The following LIN28B variants were observed in gnomAD, a reference collection of about 807,000 sequenced individuals.
LIN28B encodes the protein lin-28 RNA binding posttranscriptional regulator B.
In LIN28B, 5 loss-of-function variants were observed where a neutral mutation model predicts 21.9. That is an observed-to-expected ratio of 0.23 (90% CI 0.12 to 0.48). The LOEUF (loss-of-function observed/expected upper bound fraction) is 0.48, where lower values mean the gene tolerates loss of function less well. Among genes scored for constraint, LIN28B ranks in the 20% least tolerant of loss-of-function variants. LIN28B has a pLI of 0.98. For synonymous variants in LIN28B, 109 were observed against 111.3 expected (o/e 0.98, Z 0.13); for missense variants, 245 against 310.5 (o/e 0.79, Z 1.58).
Position 105,079,007 on chromosome 6 carries a change from T to G in LIN28B, c.*224T>G, listed in dbSNP as rs1341920472. ...ATAAGATACTATGTCTGTCAATATGTGCATGTGTGAGAGGGAGAGAGCCTG... is the reference window on the plus strand; with the variant it reads ...ATAAGATACTATGTCTGTCAATATGGGCATGTGTGAGAGGGAGAGAGCCTG... On this transcript the variant is annotated 3_prime_UTR_variant, in exon 4 of 4. Transcript: ENST00000345080. The G allele has an allele frequency of 4.0e-6, 2 of 498,096 alleles. No homozygotes were observed. The highest frequency in any genetic ancestry group is 7.1e-6 in the Non-Finnish European group (2 of 281,684). 30.9% of individuals were successfully genotyped at this position (498,096 alleles called of 1,614,324 possible). A position where few individuals can be genotyped will look rare whatever the true frequency, so the allele number is the denominator to read the frequency against.
upstream of LIN28B, among the ~76,000 whole-genome samples, chr6:104,954,662 C>T (rs1778261780): frequency 6.6e-6 from 1 of 152,080 alleles, no homozygotes; most frequent in South Asian, 2.1e-4. Context: ...GGCTGATGTC[C>T]CTCTCAGGAA....
chr6:104,977,653 C>T (rs1246949938), intron 2 of LIN28B, among the ~76,000 whole-genome samples: 1 of 152,022 alleles, frequency 6.6e-6, no homozygotes, highest in African/African-American at 2.4e-5. Flanking sequence ...CTGCAACCTC[C>T]ACCTCCCAGG....
At chr6:104,972,596 T>C (rs983439499) in intron 2 of LIN28B, among the ~76,000 whole-genome samples, 1 of 152,158 alleles carries the variant, frequency 6.6e-6, no homozygotes, top group African/African-American at 2.4e-5. Flanking sequence ...TGTTGCTACT[T>C]GTTTTTGTGT....
chr6:104,962,538 T>A (rs376740606), intron 2 of LIN28B, among the ~76,000 whole-genome samples: 2 of 152,132 alleles, frequency 1.3e-5, no homozygotes, highest in African/African-American at 4.8e-5. Flanking sequence ...TTATTGTTAC[T>A]GAGTTAAAGC....
rs957249301 is a variant in LIN28B at position 104,997,097 on chromosome 6, C to T, written c.199-29201C>T. ...GAGATCGAGACCATCCTGGCTAACA[C>T]GGTGAAGCCCCATCTCTACTAAGAA... On this transcript the variant is annotated intron_variant, in intron 2 of 3. Transcript: ENST00000345080. 4.6e-5 allele frequency among the ~76,000 whole-genome samples: 7 copies of T among 151,996 alleles called. No individual in the cohort carries two copies. The South Asian group carries it at 1.0e-3, about 23-fold the overall frequency.
intron 3 of LIN28B, among the ~76,000 whole-genome samples, chr6:105,049,105 A>G (rs1341623856): frequency 3.3e-5 from 5 of 152,100 alleles, no homozygotes; most frequent in Non-Finnish European, 7.4e-5. Flanking sequence ...TTGTGATGTT[A>G]GAGTGTCAAT....
chr6:105,033,798 C>G (rs2114353946), intron 3 of LIN28B, among the ~76,000 whole-genome samples: 1 of 151,738 alleles, frequency 6.6e-6, no homozygotes, highest in Non-Finnish European at 1.5e-5. Context: ...ACATGATTTA[C>G]TATGAAGAAA....
chr6:104,941,309 ACTTC>A (rs1778087968), intron 2 of LIN28B: 1 of 152,056 alleles, frequency 6.6e-6, no homozygotes, highest in Non-Finnish European at 1.5e-5. Context: ...CAGTCGATGT[ACTTC>A]CGGGTTCACA....
chr6:105,021,351 T>C (rs768813893), intron 2 of LIN28B, among the ~76,000 whole-genome samples: 1 of 152,224 alleles, frequency 6.6e-6, no homozygotes, highest in African/African-American at 2.4e-5. Context: ...TTATCTTTGA[T>C]ATATTGATTT....
At chr6:104,966,106 C>T (rs775335378) in intron 2 of LIN28B, among the ~76,000 whole-genome samples, 2 of 152,010 alleles carry the variant, frequency 1.3e-5, no homozygotes, top group Non-Finnish European at 2.9e-5. Context: ...AAGCACCTAA[C>T]ACAAACTTGG....
At chr6:105,013,723 C>A (rs1343845547) in intron 2 of LIN28B, among the ~76,000 whole-genome samples, 7 of 137,532 alleles carry the variant, frequency 5.1e-5, no homozygotes, top group Non-Finnish European at 7.9e-5. Context: ...GACCCTGTCT[C>A]AAAAAAAAAA....
chr6:105,042,226 G>A (rs1247471434), intron 3 of LIN28B, among the ~76,000 whole-genome samples: 1 of 152,070 alleles, frequency 6.6e-6, no homozygotes, highest in Non-Finnish European at 1.5e-5. Context: ...TGGGGGAAGG[G>A]GGTAGGCAAA....
At chr6:105,010,232 G>A (rs1770894697) in intron 2 of LIN28B, among the ~76,000 whole-genome samples, 1 of 151,632 alleles carries the variant, frequency 6.6e-6, no homozygotes, top group African/African-American at 2.4e-5. Context: ...ACATGGTGGT[G>A]TGTACCTGTA....
At chr6:105,043,914 AAT>A (rs1220175107) in intron 3 of LIN28B, among the ~76,000 whole-genome samples, 11 of 151,994 alleles carry the variant, frequency 7.2e-5, no homozygotes, top group African/African-American at 2.4e-4. Flanking sequence ...GTTGATTTTT[AAT>A]AGTTTTTCAA....
chr6:104,954,592 C>T (rs1269079334), upstream of LIN28B, among the ~76,000 whole-genome samples: 4 of 152,020 alleles, frequency 2.6e-5, no homozygotes, highest in African/African-American at 7.2e-5. Context: ...TCTTCATGAA[C>T]GAATTTTAGA....
intron 2 of LIN28B, among the ~76,000 whole-genome samples, chr6:104,937,577 C>A (rs114376713): frequency 0.013 from 1,948 of 152,158 alleles, 45 homozygotes; most frequent in African/African-American, 0.045. Flanking sequence ...CTCTATTTTT[C>A]AAATTGTTTT....
intron 3 of LIN28B, among the ~76,000 whole-genome samples, chr6:105,074,251 G>A (rs554091397): frequency 6.6e-6 from 1 of 152,140 alleles, no homozygotes; most frequent in African/African-American, 2.4e-5. Flanking sequence ...AGGCTGGAGT[G>A]CAGTGGTGCA....
chr6:104,938,369 G>A (rs1181699272), intron 2 of LIN28B, among the ~76,000 whole-genome samples: 1 of 152,126 alleles, frequency 6.6e-6, no homozygotes, highest in East Asian at 1.9e-4. Flanking sequence ...GTCAGGCATG[G>A]TGGATCACGC....
chr6:104,945,411 A>G (rs1778145348), intron 2 of LIN28B, among the ~76,000 whole-genome samples: 1 of 152,078 alleles, frequency 6.6e-6, no homozygotes, highest in South Asian at 2.1e-4. Context: ...TGAACCATTA[A>G]TAATGTTGTA....
Sources: allele counts gnomAD v4.1 joint callset (sites outside exome capture counted in the v4.1 genomes callset), GRCh38; gene constraint gnomAD v4.1.1; transcripts MANE v1.5; gene names NCBI Gene and HGNC (gene_info 2026-07-23, HGNC 2026-07-21).